PIBF1: variants seen among roughly 807,000 people sequenced by gnomAD.
PIBF1 encodes progesterone immunomodulatory binding factor 1, also known as progesterone-induced-blocking factor 1.
PIBF1 carries 90 observed loss-of-function variants against 112.5 expected under a neutral mutation model. The observed-to-expected ratio is 0.80, with a 90% CI of 0.67 to 0.95. PIBF1 has a LOEUF of 0.95. Ranked by LOEUF, PIBF1 falls within the 40% of genes least tolerant of loss-of-function variation. PIBF1 has a pLI of 0.00. For missense variants in PIBF1, 915 were observed against 852.3 expected (o/e 1.07, Z -0.92); for synonymous variants, 301 against 288.6 (o/e 1.04, Z -0.44).
At chr13:72,809,132 CTTTTTTTTTT>C (rs35219701) in intron 5 of PIBF1, among the ~76,000 whole-genome samples, 2 of 74,854 alleles carry the variant, frequency 2.7e-5, no homozygotes, top group African/African-American at 6.2e-5. Flanking sequence ...GTATATGTCC[CTTTTTTTTTT>C]TTTTTTTTTT....
At chr13:72,911,113 G>C (rs886113109) in intron 12 of PIBF1, among the ~76,000 whole-genome samples, 1 of 152,086 alleles carries the variant, frequency 6.6e-6, no homozygotes, top group African/African-American at 2.4e-5. Context: ...AGAGGTTAAA[G>C]CCTGTAGGGT....
At chr13:72,892,982 A>G (rs1039290427) in intron 10 of PIBF1, among the ~76,000 whole-genome samples, 2 of 152,268 alleles carry the variant, frequency 1.3e-5, no homozygotes, top group East Asian at 1.9e-4. Context: ...TTATCTACCA[A>G]TGTATACACC....
chr13:72,959,141 A>G (rs2042537277), intron 14 of PIBF1, among the ~76,000 whole-genome samples: 1 of 152,070 alleles, frequency 6.6e-6, no homozygotes, highest in Non-Finnish European at 1.5e-5. Context: ...GATTACAGGC[A>G]TGCGCCACCA....
At position 73,005,029 on chromosome 13, in the gene PIBF1, A is replaced by G. The variant is rs928726665; in HGVS notation, c.2223+6034A>G. Among the ~76,000 whole-genome samples, 4 of 152,296 alleles carry G rather than the reference A, an allele frequency of 2.6e-5. No individual in the cohort carries two copies. In the East Asian group the frequency reaches 7.7e-4, roughly 29 times the overall value. The stretch of plus-strand genomic sequence containing the variant: ...GAGAAATCCCGTCTCTACTAAAAAT[A>G]CAAAAATTAGCCAAGCGTGGTGGTG... On this transcript the variant is annotated intron_variant, in intron 17 of 17. Transcript: ENST00000326291.
At position 72,854,145 on chromosome 13, in the gene PIBF1, C is replaced by T; in HGVS notation, c.1312C>T (p.Leu438Phe). Reference sequence around the variant, plus strand: ...GGATGCTTTAGAAAAACACGATCAGCTCTTAGACAGGTAAGCATCATAAAA... The same window carrying T: ...GGATGCTTTAGAAAAACACGATCAGTTCTTAGACAGGTAAGCATCATAAAA... ...EKDALEKHDQLLDRYRELQLS... is the reference protein window; with the variant it reads ...EKDALEKHDQFLDRYRELQLS... Residue 438 changes from leucine to phenylalanine, a missense_variant, in exon 10 of 18, where the codon CTC becomes TTC. Coordinates refer to ENST00000326291, the MANE Select transcript of PIBF1 (RefSeq NM_006346.4). 6.3e-7 allele frequency: 1 copy of T among 1,597,878 alleles called. No homozygotes were observed. Among genetic ancestry groups the T allele is most frequent in the South Asian group, 1.1e-5 (1 of 90,688 alleles).
At chr13:72,979,735 A>G (rs1472448248) in intron 16 of PIBF1, among the ~76,000 whole-genome samples, 1 of 152,092 alleles carries the variant, frequency 6.6e-6, no homozygotes, top group Non-Finnish European at 1.5e-5. Flanking sequence ...CATCCTGGCT[A>G]ACACAGTGAA....
chr13:72,935,138 A>G (rs970099612), intron 14 of PIBF1, among the ~76,000 whole-genome samples: 1 of 152,072 alleles, frequency 6.6e-6, no homozygotes, highest in Non-Finnish European at 1.5e-5. Context: ...GCCATGTGCC[A>G]CCATTCCCGG....
intron 13 of PIBF1, among the ~76,000 whole-genome samples, chr13:72,925,319 A>G (rs2041442086): frequency 6.6e-6 from 1 of 152,126 alleles, no homozygotes; most frequent in African/African-American, 2.4e-5. Context: ...AATGCTCAGT[A>G]TTGGTTGGGT....
At chr13:73,005,656 A>C (rs1248521850) in intron 17 of PIBF1, among the ~76,000 whole-genome samples, 2 of 152,180 alleles carry the variant, frequency 1.3e-5, no homozygotes. Context: ...TAATGAGTAC[A>C]ATTGGTTGTG....
At chr13:72,847,775 C>G (rs1034186673) in intron 9 of PIBF1, among the ~76,000 whole-genome samples, 49 of 152,258 alleles carry the variant, frequency 3.2e-4, no homozygotes, top group Middle Eastern at 3.4e-3. Context: ...TTTCAGTCAT[C>G]TATGATAAAG....
intron 5 of PIBF1, among the ~76,000 whole-genome samples, chr13:72,816,469 T>C (rs1239676876): frequency 6.6e-6 from 1 of 152,006 alleles, no homozygotes; most frequent in Non-Finnish European, 1.5e-5. Flanking sequence ...TCAAGACTGC[T>C]CTGGACACCA....
intron 17 of PIBF1, among the ~76,000 whole-genome samples, chr13:73,014,086 C>T (rs1392110331): frequency 1.3e-5 from 2 of 151,298 alleles, no homozygotes; most frequent in Admixed American, 1.3e-4. Context: ...CTCCCCTCCC[C>T]CTTTTTCCTC....
chr13:72,957,430 A>G (rs2042477518), intron 14 of PIBF1, among the ~76,000 whole-genome samples: 2 of 152,194 alleles, frequency 1.3e-5, no homozygotes, highest in African/African-American at 4.8e-5. Flanking sequence ...ACCAAACATC[A>G]TACGCTCTCA....
chr13:72,931,876 A>T (rs1252305637), intron 14 of PIBF1, among the ~76,000 whole-genome samples: 1 of 143,608 alleles, frequency 7.0e-6, no homozygotes, highest in East Asian at 2.0e-4. Context: ...CCTTTTATTT[A>T]TTTATTTAAT....
At chr13:72,905,495 A>T (rs2138640469) in intron 11 of PIBF1, among the ~76,000 whole-genome samples, 1 of 152,346 alleles carries the variant, frequency 6.6e-6, no homozygotes, top group African/African-American at 2.4e-5. Context: ...GCCTTAGTGA[A>T]AAACATAAAA....
chr13:73,004,731 A>G (rs1206792943), intron 17 of PIBF1, among the ~76,000 whole-genome samples: 1 of 152,236 alleles, frequency 6.6e-6, no homozygotes, highest in Non-Finnish European at 1.5e-5. Flanking sequence ...TAATAGAGAC[A>G]GAAAGTAGAG....
At chr13:72,917,403 G>T (rs1453940372) in intron 13 of PIBF1, among the ~76,000 whole-genome samples, 1 of 152,022 alleles carries the variant, frequency 6.6e-6, no homozygotes, top group Admixed American at 6.6e-5. Context: ...CGATGATAAG[G>T]ACCTTGTTTT....
In PIBF1 at chr13:72,894,154, A is replaced by G. The variant is rs2040176296; in HGVS notation, c.1488+205A>G. 2.0e-5 allele frequency among the ~76,000 whole-genome samples: 3 copies of G among 152,096 alleles called. No homozygotes were observed. The South Asian group carries it at 6.2e-4, about 31-fold the overall frequency. Reference sequence around the variant, plus strand: ...GTTGAGAAACAAAAAAAGCAAGAAAAGATGTCATTCACAATAGCAACCAAA... The same window carrying G: ...GTTGAGAAACAAAAAAAGCAAGAAAGGATGTCATTCACAATAGCAACCAAA... On this transcript the variant is annotated intron_variant, in intron 11 of 17. Transcript: ENST00000326291.
intron 5 of PIBF1, among the ~76,000 whole-genome samples, chr13:72,812,331 A>G (rs771903797): frequency 5.9e-5 from 9 of 152,134 alleles, no homozygotes; most frequent in Non-Finnish European, 1.3e-4. Flanking sequence ...ATGATGGTTC[A>G]TCTGAATGAA....
Sources: allele counts gnomAD v4.1 joint callset (sites outside exome capture counted in the v4.1 genomes callset), GRCh38; gene constraint gnomAD v4.1.1; transcripts MANE v1.5; gene names NCBI Gene and HGNC (gene_info 2026-07-23, HGNC 2026-07-21).